The following GAK variants were observed in gnomAD, a reference collection of about 807,000 sequenced individuals.
The protein encoded by GAK is cyclin-G-associated kinase.
A neutral mutation model predicts 143.9 loss-of-function variants in GAK; 79 were observed. The ratio of observed to expected loss-of-function variants is 0.55; its 90% CI spans 0.46 to 0.66. GAK has a LOEUF of 0.66. GAK is among the 30% of genes least tolerant of loss of function. GAK has a pLI of 0.00. For synonymous variants in GAK, 881 were observed against 765.5 expected, an observed-to-expected ratio of 1.15 and a Z score of -2.49; for missense variants, 1,693 against 1,779.7, an observed-to-expected ratio of 0.95 and a Z score of 0.88.
rs558446045 is a variant in GAK at position 882,107 on chromosome 4, C to G, written c.1528-67G>C. On this transcript the variant is annotated intron_variant, in intron 14 of 27. Transcript: ENST00000314167. ...GCAGGACAAGGGCTCGCGGGGTCCTCGGGCATCCTACCCACCCTGTGGCTG... is the reference window on the plus strand; with the variant it reads ...GCAGGACAAGGGCTCGCGGGGTCCTGGGGCATCCTACCCACCCTGTGGCTG... 3.2e-5 allele frequency: 48 copies of G among 1,501,260 alleles called. No homozygotes were observed. The East Asian group carries it at 1.2e-3, about 36-fold the overall frequency. The allele number at this position is 1,501,260 out of a possible 1,614,324, so 93.0% of individuals were successfully genotyped here. A position where few individuals can be genotyped will look rare whatever the true frequency, so the allele number is the denominator to read the frequency against.
chr4:926,851 A>G (rs1724844745), intron 1 of GAK, among the ~76,000 whole-genome samples: 3 of 140,266 alleles, frequency 2.1e-5, no homozygotes, highest in African/African-American at 5.5e-5. Flanking sequence ...CTCCCAGCTC[A>G]CCTGCGCTCC....
At chr4:863,952 C>T (rs1481704056) in intron 23 of GAK, among the ~76,000 whole-genome samples, 3 of 152,000 alleles carry the variant, frequency 2.0e-5, no homozygotes, top group African/African-American at 7.2e-5. Flanking sequence ...GAACCCAGGA[C>T]GTGGAGGATG....
chr4:903,541 A>G (rs1305816308), intron 5 of GAK, among the ~76,000 whole-genome samples: 2 of 147,432 alleles, frequency 1.4e-5, no homozygotes, highest in Admixed American at 6.7e-5. Flanking sequence ...AGGAAGGGGC[A>G]CTGGGTGAGC....
intron 9 of GAK, among the ~76,000 whole-genome samples, chr4:891,240 C>T (rs553098047): frequency 1.3e-5 from 2 of 151,528 alleles, no homozygotes; most frequent in East Asian, 1.9e-4. Context: ...GGATTACAGG[C>T]GTGAGCCACT....
At chr4:879,678 T>C (rs1714705615) in intron 15 of GAK, among the ~76,000 whole-genome samples, 1 of 152,188 alleles carries the variant, frequency 6.6e-6, no homozygotes, top group Non-Finnish European at 1.5e-5. Flanking sequence ...TCCTGCTTGG[T>C]GACCTCTGAG....
rs1314171115 is a variant in GAK, at chr4:890,558, C to T, written c.1055G>A (p.Gly352Asp). 6.2e-7 allele frequency: 1 copy of T among 1,610,558 alleles called. No homozygotes were observed. Among genetic ancestry groups the T allele is most frequent in the African/African-American group, 1.3e-5 (1 of 74,962 alleles). The change falls in exon 10 of 28, where the codon GGC becomes GAC. Residue 352 changes from glycine (G) to aspartate (D), a missense_variant. Physicochemically the swap from Gly to Asp is moderately conservative, Grantham distance 94 (BLOSUM62 -1). This residue lies in a region of GAK where 871 missense variants were observed against 991.0 expected (regional missense o/e 0.88). Coordinates refer to ENST00000314167, the MANE Select transcript of GAK (RefSeq NM_005255.4). Reference sequence around the variant, plus strand: ...TCCACTGTAGCCACTGCCAGCGGGGCCCACGGGAGGGGGTGGCCCTCGGGA... The same window carrying T: ...TCCACTGTAGCCACTGCCAGCGGGGTCCACGGGAGGGGGTGGCCCTCGGGA... ...TLSRGPPPPV[G>D]PAGSGYSGGL...
chr4:906,061 C>A (rs936437006), intron 4 of GAK, among the ~76,000 whole-genome samples: 4 of 151,480 alleles, frequency 2.6e-5, no homozygotes, highest in Admixed American at 1.3e-4. Context: ...ACGTGAGAAC[C>A]ACATCGGCAT....
chr4:867,191 G>A lies in GAK; in HGVS notation c.2637C>T (p.Asp879=), dbSNP rs747607099. Residue 879 remains aspartate (D), a synonymous_variant, in exon 21 of 28, where the codon GAC becomes GAT. Coordinates refer to ENST00000314167, the MANE Select transcript of GAK (RefSeq NM_005255.4). ...AGTGCAGGCCCAGGAGGTCGACCCC[G>A]TCTTCCTGTGGCACAGGCTCTGGCA... The part of the protein sequence containing the change: ...AVLPEPVPQE[D]GVDLLGLHSE... 14 of 1,610,390 alleles carry A rather than the reference G, an allele frequency of 8.7e-6. No homozygotes were observed. Among genetic ancestry groups the A allele is most frequent in the South Asian group, 3.3e-5 (3 of 90,656 alleles).
intron 1 of GAK, among the ~76,000 whole-genome samples, chr4:921,035 C>T (rs992604475): frequency 6.6e-6 from 1 of 152,146 alleles, no homozygotes; most frequent in Non-Finnish European, 1.5e-5. Flanking sequence ...GGGACAGATA[C>T]AAAGATGACT....
chr4:913,819 C>G (rs919848792), intron 1 of GAK, 151 bp from the exon 2 acceptor site: 2 of 652,476 alleles, frequency 3.1e-6, no homozygotes, highest in Admixed American at 2.2e-5. Context: ...TACACGCCCC[C>G]CGCAAACACA....
At chr4:889,028 C>T (rs1405825262) in intron 10 of GAK, 58 bp from the exon 11 acceptor site, 47 of 1,539,786 alleles carry the variant, frequency 3.1e-5, no homozygotes, top group East Asian at 7.1e-5. Flanking sequence ...TCCCCAGGTG[C>T]GGGTTGCTGG....
chr4:864,550 G>A (rs892299045), intron 23 of GAK, among the ~76,000 whole-genome samples: 6 of 152,204 alleles, frequency 3.9e-5, no homozygotes, highest in South Asian at 2.1e-4. Flanking sequence ...CAGACGCCGC[G>A]GGAGGGCCGG....
chr4:876,892 C>CGAAA, intron 17 of GAK, among the ~76,000 whole-genome samples, 198 bp downstream of exon 17: 1 of 152,266 alleles, frequency 6.6e-6, no homozygotes, highest in Non-Finnish European at 1.5e-5. Context: ...CCAGGCTTTT[C>CGAAA]AGGTTGAGAT....
intron 26 of GAK, 167 bp from the exon 27 acceptor site, chr4:850,235 G>A (rs1031432893): frequency 1.1e-4 from 66 of 602,420 alleles, no homozygotes; most frequent in African/African-American, 9.7e-4. Flanking sequence ...ACTATATAGA[G>A]CCCACTCCGG....
chr4:879,274 G>A (rs1471803164), intron 15 of GAK, among the ~76,000 whole-genome samples: 1 of 152,220 alleles, frequency 6.6e-6, no homozygotes, highest in African/African-American at 2.4e-5. Context: ...TGGCCGAGCT[G>A]TGCGTTTCTG....
chr4:881,854 G>T, intron 15 of GAK, 53 bp downstream of exon 15: 1 of 1,520,380 alleles, frequency 6.6e-7, no homozygotes, highest in Non-Finnish European at 8.9e-7. Context: ...GGGGGCGGCA[G>T]TGCCACACGG....
chr4:850,877 C>G, intron 26 of GAK, 59 bp downstream of exon 26: 2 of 1,569,676 alleles, frequency 1.3e-6, no homozygotes, highest in Non-Finnish European at 1.7e-6. Context: ...ACAGCAGATG[C>G]TCCAGGGGCC....
intron 24 of GAK, among the ~76,000 whole-genome samples, chr4:856,299 C>T: frequency 7.1e-6 from 1 of 141,122 alleles, no homozygotes; most frequent in East Asian, 2.0e-4. Context: ...CTGCTCACCC[C>T]TGCTCACCAC....
At chr4:925,453 C>T (rs758812318) in intron 1 of GAK, among the ~76,000 whole-genome samples, 2 of 152,204 alleles carry the variant, frequency 1.3e-5, no homozygotes, top group Non-Finnish European at 2.9e-5. Flanking sequence ...ACAGGCAGAT[C>T]TGAGTATCTT....
Sources: gnomAD v4.1 joint callset for allele counts (sites outside exome capture counted in the v4.1 genomes callset) on GRCh38, gnomAD v4.1.1 for gene constraint, gnomAD v4.1.1 regional missense constraint, MANE v1.5 for transcripts, NCBI Gene and HGNC (gene_info 2026-07-23, HGNC 2026-07-21) for gene names.